Variants in ZNF254 observed in about 807,000 individuals in gnomAD.
ZNF254 encodes the protein zinc finger protein 254, also known as CTD-2017D11.1.
A neutral mutation model predicts 12.4 loss-of-function variants in ZNF254; 10 were observed. That is an observed-to-expected ratio of 0.80 (90% CI 0.50 to 1.36). ZNF254 has a LOEUF of 1.36. Ranked by LOEUF, ZNF254 falls within the 40% of genes most tolerant of loss-of-function variation. ZNF254 has a pLI of 0.00. For missense variants in ZNF254, 996 were observed against 763.9 expected, an observed-to-expected ratio of 1.30 and a Z score of -3.58; for synonymous variants, 305 against 253.4, an observed-to-expected ratio of 1.20 and a Z score of -1.93.
In ZNF254 at chr19:24,126,296, G is replaced by T; in HGVS notation, c.296G>T (p.Gly99Val). Residue 99 changes from glycine to valine, a missense_variant, in exon 4 of 4, where the codon GGC becomes GTC. Gly to Val is a moderately radical substitution (Grantham distance 109, BLOSUM62 -3). Transcript: ENST00000357002. Reference sequence around the variant, plus strand: ...GCTCAAGACCTTTGGCCAGAGCAGGGCATGGAAGATTCTTTTCAAAAAGCA... The same window carrying T: ...GCTCAAGACCTTTGGCCAGAGCAGGTCATGGAAGATTCTTTTCAAAAAGCA... ...HFAQDLWPEQ[G>V]MEDSFQKAIL... 6.3e-7 allele frequency: 1 copy of T among 1,577,820 alleles called. No individual in the cohort carries two copies. The highest frequency in any genetic ancestry group is 8.6e-7 in the Non-Finnish European group (1 of 1,164,624).
intron 2 of ZNF254, among the ~76,000 whole-genome samples, chr19:24,069,982 G>C (rs980205032): frequency 6.6e-6 from 1 of 152,144 alleles, no homozygotes; most frequent in South Asian, 2.1e-4. Context: ...CCTCAAAATA[G>C]AGCCCACTGG....
Position 24,087,311 on chromosome 19 carries a change from C to T in ZNF254, c.4C>T (p.Pro2Ser), listed in dbSNP as rs1317092011. 1.2e-6 allele frequency: 2 copies of T among 1,613,616 alleles called. No homozygotes were observed. Among genetic ancestry groups the T allele is most frequent in the East Asian group, 2.2e-5 (1 of 44,856 alleles). ...GTATTGGAGATCCACAGCTAAGATG[C>T]CAGGACCCCCTAGAAGCCTAGAAAT... MPGPPRSLEMGL... is the reference protein window; with the variant it reads MSGPPRSLEMGL... The change falls in exon 1 of 4, where the codon CCA becomes TCA. Residue 2 changes from proline (P) to serine (S), a missense_variant. Coordinates refer to ENST00000357002, the MANE Select transcript of ZNF254 (RefSeq NM_203282.4).
chr19:24,108,983 G>A (rs1206535151), intron 3 of ZNF254, among the ~76,000 whole-genome samples: 3 of 152,082 alleles, frequency 2.0e-5, no homozygotes, highest in African/African-American at 7.2e-5. Context: ...ATGAAACCCC[G>A]TCCCTACTAA....
chr19:24,046,117 G>A (rs1293833946), intron 1 of ZNF254: 1 of 151,858 alleles, frequency 6.6e-6, no homozygotes, highest in Non-Finnish European at 1.5e-5. Context: ...TCTCCACTGA[G>A]CACAGTACTG....
At position 24,127,885 on chromosome 19, in the gene ZNF254, C is replaced by A. The variant is rs944080837; in HGVS notation, c.1885C>A (p.Pro629Thr). ...TAAGAGAATTCATACTGGAGAGCAA[C>A]CCTACAAATGGGAAAAATTTGGCAA... ...KHKRIHTGEQ[P>T]YKWEKFGKAF... Residue 629 changes from proline to threonine, a missense_variant, in exon 4 of 4, where the codon CCC becomes ACC. Transcript: ENST00000357002. The A allele has an allele frequency of 1.2e-6, 2 of 1,612,984 alleles. No homozygotes were observed. Among genetic ancestry groups the A allele is most frequent in the African/African-American group, 2.7e-5 (2 of 74,962 alleles).
upstream of ZNF254, among the ~76,000 whole-genome samples, chr19:24,082,367 C>A (rs1389230659): frequency 7.0e-6 from 1 of 142,706 alleles, no homozygotes; most frequent in Admixed American, 7.2e-5. Flanking sequence ...AAAAACTGGG[C>A]CAGACACAGT....
chr19:24,054,878 CCT>C lies in ZNF254; in HGVS notation c.-94+8603_-94+8604del, dbSNP rs575862498. 3.6e-4 allele frequency among the ~76,000 whole-genome samples: 55 copies of C among 152,144 alleles called. 3 individuals are homozygous for C. The East Asian group carries it at 0.01, about 29-fold the overall frequency. On this transcript the variant is annotated intron_variant, in intron 2 of 4. Coordinates refer to the ZNF254 transcript ENST00000613065. ...AAACATGATTTTAGAGTAAATTGTG[CCT>C]CTCATTTATACTGGATAAAGCCTTT...
intron 1 of ZNF254, among the ~76,000 whole-genome samples, chr19:24,095,539 A>T (rs527807255): frequency 1.5e-4 from 23 of 152,290 alleles, no homozygotes; most frequent in African/African-American, 5.1e-4. Context: ...TTGGTAGGCT[A>T]TTTATTACTA....
At chr19:24,117,405 C>A (rs1169390304) in intron 3 of ZNF254, among the ~76,000 whole-genome samples, 1 of 152,146 alleles carries the variant, frequency 6.6e-6, no homozygotes, top group African/African-American at 2.4e-5. Flanking sequence ...ATGGCGGGTG[C>A]CCCTCCCCCA....
chr19:24,100,460 G>C (rs1444792422), intron 1 of ZNF254, among the ~76,000 whole-genome samples: 5 of 150,526 alleles, frequency 3.3e-5, no homozygotes, highest in African/African-American at 1.2e-4. Flanking sequence ...AACTCAGAGA[G>C]ACATTAAAAT....
At chr19:24,122,166 C>G (rs868823555) in intron 3 of ZNF254, among the ~76,000 whole-genome samples, 45 of 152,168 alleles carry the variant, frequency 3.0e-4, no homozygotes, top group Middle Eastern at 6.8e-3. Context: ...CAACATATTG[C>G]TAGAATGTTT....
intron 2 of ZNF254, among the ~76,000 whole-genome samples, chr19:24,047,032 T>G (rs1198472314): frequency 6.8e-6 from 1 of 146,762 alleles, no homozygotes. Flanking sequence ...CCTGGCTAAT[T>G]CTTTGTATTT....
intron 3 of ZNF254, among the ~76,000 whole-genome samples, chr19:24,119,818 A>T (rs1339680691): frequency 1.3e-5 from 2 of 152,086 alleles, no homozygotes; most frequent in African/African-American, 4.8e-5. Context: ...TTATTTCTTA[A>T]AATGAAATTA....
At chr19:24,082,978 G>A (rs551427978), upstream of ZNF254, among the ~76,000 whole-genome samples, 3 of 152,228 alleles carry the variant, frequency 2.0e-5, no homozygotes, top group East Asian at 5.8e-4. Flanking sequence ...AGCAATTAGA[G>A]AAAAGAAATA....
At chr19:24,067,602 G>A (rs375907629) in intron 2 of ZNF254, among the ~76,000 whole-genome samples, 1 of 151,974 alleles carries the variant, frequency 6.6e-6, no homozygotes, top group African/African-American at 2.4e-5. Flanking sequence ...ATATTTCTGG[G>A]TCTTTTACCT....
In ZNF254 at chr19:24,128,084, A is replaced by C; in HGVS notation, c.*104A>C. ...TGAGAGAGGCGCTAATGCTTTTGAC[A>C]GTACCTAAAACTTTAAAGAAAATCA... On this transcript the variant is annotated 3_prime_UTR_variant, in exon 4 of 4. Coordinates refer to ENST00000357002, the MANE Select transcript of ZNF254 (RefSeq NM_203282.4). The C allele has an allele frequency of 8.4e-7, 1 of 1,191,372 alleles. No homozygotes were observed. The highest frequency in any genetic ancestry group is 2.6e-5 in the East Asian group (1 of 38,954). The allele number at this position is 1,191,372 out of a possible 1,614,324, so 73.8% of individuals were successfully genotyped here. A position where few individuals can be genotyped will look rare whatever the true frequency, so the allele number is the denominator to read the frequency against.
At chr19:24,066,979 A>T (rs1367159031) in intron 2 of ZNF254, 1 of 152,118 alleles carries the variant, frequency 6.6e-6, no homozygotes. Flanking sequence ...CTCTTGTGTT[A>T]CCTGGTCTCT....
chr19:24,122,079 CA>C (rs747065358), intron 3 of ZNF254, among the ~76,000 whole-genome samples: 4 of 151,866 alleles, frequency 2.6e-5, no homozygotes, highest in South Asian at 2.1e-4. Context: ...TTTTACTTGT[CA>C]AAAAAATAAC....
intron 3 of ZNF254, among the ~76,000 whole-genome samples, chr19:24,118,330 G>A (rs988830205): frequency 3.9e-5 from 6 of 152,100 alleles, no homozygotes; most frequent in African/African-American, 1.2e-4. Context: ...GGGATTACAG[G>A]CGTGAGCCAC....
Sources: gnomAD v4.1 joint callset for allele counts (sites outside exome capture counted in the v4.1 genomes callset) on GRCh38, gnomAD v4.1.1 for gene constraint, MANE v1.5 for transcripts, NCBI Gene and HGNC (gene_info 2026-07-23, HGNC 2026-07-21) for gene names.